Variants in IGSF21 observed in about 807,000 individuals in gnomAD.
The protein encoded by IGSF21 is immunoglobulin superfamily member 21.
A neutral mutation model predicts 46.8 loss-of-function variants in IGSF21; 28 were observed. The observed-to-expected ratio is 0.60, with a 90% CI of 0.44 to 0.82. The LOEUF is 0.82. Ranked by LOEUF, IGSF21 falls within the 40% of genes least tolerant of loss-of-function variation. The pLI is 0.00. For synonymous variants in IGSF21, 284 were observed against 273.6 expected (o/e 1.04, Z -0.38); for missense variants, 624 against 665.5 (o/e 0.94, Z 0.69).
At chr1:18,172,593 A>G (rs955999257) in intron 1 of IGSF21, among the ~76,000 whole-genome samples, 5 of 152,136 alleles carry the variant, frequency 3.3e-5, no homozygotes, top group Non-Finnish European at 7.4e-5. Context: ...GAGAGAGAGA[A>G]TGAATCTTAT....
chr1:18,141,900 T>C (rs1475271511), intron 1 of IGSF21, among the ~76,000 whole-genome samples: 1 of 151,888 alleles, frequency 6.6e-6, no homozygotes, highest in Non-Finnish European at 1.5e-5. Context: ...AAGACCCCCA[T>C]TTCTACAAAA....
intron 1 of IGSF21, among the ~76,000 whole-genome samples, chr1:18,132,706 CAT>C (rs2086332510): frequency 6.6e-6 from 1 of 152,098 alleles, no homozygotes; most frequent in African/African-American, 2.4e-5. Flanking sequence ...CCACCCAATC[CAT>C]CCTGTGCTCA....
intron 2 of IGSF21, among the ~76,000 whole-genome samples, chr1:18,258,473 G>C (rs2084912322): frequency 6.6e-6 from 1 of 152,192 alleles, no homozygotes; most frequent in Admixed American, 6.5e-5. Context: ...AGGAGGACTG[G>C]ATTGGGAGTC....
intron 1 of IGSF21, among the ~76,000 whole-genome samples, chr1:18,108,985 AGTGTGTGT>A (rs10686337): frequency 7.8e-6 from 1 of 127,800 alleles, no homozygotes; most frequent in Non-Finnish European, 1.6e-5. Context: ...TGAGCAGCTC[AGTGTGTGT>A]GTGTGTGTGT....
chr1:18,132,061 G>A (rs923204405), intron 1 of IGSF21, among the ~76,000 whole-genome samples: 2 of 152,180 alleles, frequency 1.3e-5, no homozygotes, highest in Non-Finnish European at 2.9e-5. Flanking sequence ...TGAAATCCAT[G>A]AAGACAGTGT....
At chr1:18,263,518 T>C (rs930756185) in intron 2 of IGSF21, among the ~76,000 whole-genome samples, 1 of 152,124 alleles carries the variant, frequency 6.6e-6, no homozygotes, top group Admixed American at 6.5e-5. Flanking sequence ...CCGGTTTTTA[T>C]TTGCGATGTG....
In IGSF21 at chr1:18,123,520, A is replaced by G. The variant is rs369090745; in HGVS notation, c.70+15322A>G. ...TGATAGGCAGGCAAACAAATAAATCATGGCATAATATTGGAAATTCTAAGG... is the reference window on the plus strand; with the variant it reads ...TGATAGGCAGGCAAACAAATAAATCGTGGCATAATATTGGAAATTCTAAGG... On this transcript the variant is annotated intron_variant, in intron 1 of 9. Coordinates refer to ENST00000251296, the MANE Select transcript of IGSF21 (RefSeq NM_032880.5). Among the ~76,000 whole-genome samples, 5 of 152,346 alleles carry G rather than the reference A, an allele frequency of 3.3e-5. No individual in the cohort carries two copies. In the South Asian group the frequency reaches 6.2e-4, roughly 19 times the overall value.
chr1:18,222,208 C>A (rs1238248838), intron 1 of IGSF21, among the ~76,000 whole-genome samples: 1 of 152,192 alleles, frequency 6.6e-6, no homozygotes, highest in Non-Finnish European at 1.5e-5. Context: ...GGGTCCCCAG[C>A]AGAAGCCTTC....
chr1:18,125,993 T>C (rs1469557235), intron 1 of IGSF21, among the ~76,000 whole-genome samples: 1 of 152,174 alleles, frequency 6.6e-6, no homozygotes, highest in Non-Finnish European at 1.5e-5. Context: ...CAGGGGAGGC[T>C]TGCTATCAGG....
At chr1:18,314,939 C>T (rs1441331920) in intron 3 of IGSF21, among the ~76,000 whole-genome samples, 4 of 152,070 alleles carry the variant, frequency 2.6e-5, no homozygotes, top group African/African-American at 9.7e-5. Context: ...CCTGGCCCAG[C>T]TGATGGAGGT....
chr1:18,230,890 C>T (rs1371026264), intron 2 of IGSF21, among the ~76,000 whole-genome samples: 1 of 151,984 alleles, frequency 6.6e-6, no homozygotes, highest in Non-Finnish European at 1.5e-5. Flanking sequence ...ACGAACCCCC[C>T]ACTGTGGCTT....
chr1:18,126,796 G>A (rs1467738032), intron 1 of IGSF21, among the ~76,000 whole-genome samples: 1 of 152,098 alleles, frequency 6.6e-6, no homozygotes, highest in Admixed American at 6.6e-5. Context: ...CCAGTCCTGA[G>A]GCTTCCTCCC....
At chr1:18,147,711 G>A (rs1050684398) in intron 1 of IGSF21, among the ~76,000 whole-genome samples, 12 of 152,118 alleles carry the variant, frequency 7.9e-5, no homozygotes, top group Admixed American at 1.3e-4. Context: ...GATGGTTCTA[G>A]GTTTGCATAT....
At position 18,130,822 on chromosome 1, in the gene IGSF21, ATG is replaced by A. The variant is rs1374441628; in HGVS notation, c.70+22625_70+22626del. Among the ~76,000 whole-genome samples the A allele has an allele frequency of 1.3e-5, 2 of 152,226 alleles. 1 individual carries two copies. Among genetic ancestry groups the A allele is most frequent in the African/African-American group, 4.8e-5 (2 of 41,458 alleles). ...GCAGCAGCCCTCCTACAGGTGTGCA[ATG>A]GACCCTCCTGCCACTCAGCCACCTC... On this transcript the variant is annotated intron_variant, in intron 1 of 9. Transcript: ENST00000251296.
intron 2 of IGSF21, among the ~76,000 whole-genome samples, chr1:18,274,984 G>A (rs6656500): frequency 0.24 from 36,656 of 151,956 alleles, 4,846 homozygotes; most frequent in African/African-American, 0.35. Context: ...CCGAAATCGC[G>A]CCACTGCACT....
chr1:18,180,746 C>T (rs922566590), intron 1 of IGSF21, among the ~76,000 whole-genome samples: 1 of 152,212 alleles, frequency 6.6e-6, no homozygotes, highest in African/African-American at 2.4e-5. Flanking sequence ...CTGTTCTATG[C>T]ATTTTACATA....
chr1:18,276,504 A>G (rs1051996172), intron 2 of IGSF21, among the ~76,000 whole-genome samples: 1 of 152,154 alleles, frequency 6.6e-6, no homozygotes. Context: ...CGCCAATTCT[A>G]TTGGTCAAAG....
At chr1:18,266,001 G>A (rs761159495) in intron 2 of IGSF21, among the ~76,000 whole-genome samples, 9 of 152,174 alleles carry the variant, frequency 5.9e-5, no homozygotes, top group East Asian at 1.9e-4. Flanking sequence ...GATGAAGCCC[G>A]GAGACAGGGG....
chr1:18,336,067 T>C (rs181796773), intron 4 of IGSF21, among the ~76,000 whole-genome samples: 2 of 152,294 alleles, frequency 1.3e-5, no homozygotes, highest in East Asian at 3.9e-4. Flanking sequence ...GAACTCCAAG[T>C]CTGATGAGAG....
Sources: gnomAD v4.1 joint callset for allele counts (sites outside exome capture counted in the v4.1 genomes callset) on GRCh38, gnomAD v4.1.1 for gene constraint, MANE v1.5 for transcripts, NCBI Gene and HGNC (gene_info 2026-07-23, HGNC 2026-07-21) for gene names.